The following MICAL3 variants were observed in gnomAD, a reference collection of about 807,000 sequenced individuals.
The protein encoded by MICAL3 is microtubule associated monooxygenase, calponin and LIM domain containing 3.
A neutral mutation model predicts 207.4 loss-of-function variants in MICAL3; 62 were observed. That is an observed-to-expected ratio of 0.30 (90% CI 0.24 to 0.37). MICAL3 has a LOEUF of 0.37. Among genes scored for constraint, MICAL3 ranks in the 10% least tolerant of loss-of-function variants. The pLI is 1.00. For synonymous variants in MICAL3, 1,077 were observed against 1,069.3 expected (o/e 1.01, Z -0.14); for missense variants, 2,368 against 2,635.6 (o/e 0.90, Z 2.22).
chr22:17,926,919 T>C (rs1806570538), intron 1 of MICAL3, among the ~76,000 whole-genome samples: 1 of 151,968 alleles, frequency 6.6e-6, no homozygotes, highest in South Asian at 2.1e-4. Context: ...TTTATTTTCT[T>C]ATTGTGTTAA....
Position 17,906,716 on chromosome 22 carries a change from G to A in MICAL3, c.97C>T (p.Gln33Ter). 3.1e-6 allele frequency: 5 copies of A among 1,613,956 alleles called. No homozygotes were observed. The highest frequency in any genetic ancestry group is 4.2e-6 in the Non-Finnish European group (5 of 1,179,892). ...AGTTCCAGGTGGTCACAGAGCTCCT[G>A]GAAAGCCTTGAGGGTTCCCTTGCAG... Reference protein sequence around the residue: ...TTCKGTLKAFQELCDHLELKP... With the variant: ...TTCKGTLKAF The change falls in exon 2 of 32, where the codon CAG (glutamine) becomes TAG (stop). Residue 33 changes from glutamine to a stop codon, truncating the protein, a stop_gained. Transcript: ENST00000441493. LOFTEE classifies it high-confidence loss of function.
chr22:17,806,104 A>AT (rs2061986374), intron 29 of MICAL3, among the ~76,000 whole-genome samples: 1 of 152,194 alleles, frequency 6.6e-6, no homozygotes, highest in African/African-American at 2.4e-5. Context: ...GGTGAGCTTG[A>AT]TTTTGTGGAG....
rs1281685405 is a variant in MICAL3 at position 17,818,151 on chromosome 22, G to A, written c.4510C>T (p.Pro1504Ser). The A allele has an allele frequency of 6.2e-7, 1 of 1,603,932 alleles. No individual in the cohort carries two copies. Among genetic ancestry groups the A allele is most frequent in the Non-Finnish European group, 8.5e-7 (1 of 1,176,510 alleles). ...GACTTCCGCACCTCCTCTCTGGGGG[G>A]CTGAGCAGGCTCCCGGGGGGGCCGC... ...WMRPPREPAQPPREEVRKSFV... is the reference protein window; with the variant it reads ...WMRPPREPAQSPREEVRKSFV... The change falls in exon 26 of 32, where the codon CCC (proline) becomes TCC (serine). Residue 1504 changes from proline (P) to serine (S), a missense_variant. By Grantham distance (74) the Pro-to-Ser change is moderately conservative. Transcript: ENST00000441493.
In MICAL3 at chr22:17,787,980, A is replaced by G. The variant is rs2061800560; in HGVS notation, c.*2752T>C. 6.6e-6 allele frequency: 1 copy of G among 152,228 alleles called. No homozygotes were observed. The highest frequency in any genetic ancestry group is 1.5e-5 in the Non-Finnish European group (1 of 68,048). The allele number at this position is 152,228 out of a possible 1,614,324, so 9.4% of individuals were successfully genotyped here. ...TCAGCCTCCAGTTTAGTCAGCCTTG[A>G]GTCTGGGCTGCTCCCGCACCTGGTG... is the stretch of plus-strand genomic sequence containing the variant. On this transcript the variant is annotated 3_prime_UTR_variant, in exon 32 of 32. Transcript: ENST00000441493.
At chr22:17,801,192 G>A (rs1409308350) in intron 29 of MICAL3, among the ~76,000 whole-genome samples, 6 of 43,800 alleles carry the variant, frequency 1.4e-4, no homozygotes, top group Admixed American at 2.4e-4. Context: ...TCGCTCTGTC[G>A]CCCAGGCTGG....
At chr22:17,859,142 C>CG (rs1926245843) in intron 19 of MICAL3, among the ~76,000 whole-genome samples, 1 of 152,164 alleles carries the variant, frequency 6.6e-6, no homozygotes, top group South Asian at 2.1e-4. Context: ...AGGAAAATGA[C>CG]GGTGTCACAG....
chr22:17,876,827 T>TAGGGAG (rs1928499586), intron 16 of MICAL3: 1 of 127,614 alleles, frequency 7.8e-6, no homozygotes, highest in Non-Finnish European at 1.7e-5. Context: ...TTAGGGAGGT[T>TAGGGAG]ATGGAGGTTA....
chr22:18,005,914 C>T (rs931141554), intron 1 of MICAL3: 1 of 152,186 alleles, frequency 6.6e-6, no homozygotes, highest in Admixed American at 6.5e-5. Context: ...TTGACATCCT[C>T]ACAGGGTTGG....
At chr22:17,851,514 G>A (rs2146101921) in intron 19 of MICAL3, among the ~76,000 whole-genome samples, 1 of 152,334 alleles carries the variant, frequency 6.6e-6, no homozygotes, top group Middle Eastern at 3.4e-3. Context: ...AGTCAATAAA[G>A]TGTTTTGAAT....
rs1602176274 is a variant in MICAL3 at position 17,899,002 on chromosome 22, C to T, written c.948+446G>A. 3.3e-5 allele frequency among the ~76,000 whole-genome samples: 5 copies of T among 152,286 alleles called. 1 individual carries two copies. The highest frequency in any genetic ancestry group is 3.3e-4 in the Admixed American group (5 of 15,304). ...TCAAACTCCTTTCCCTCTGTTGCTC[C>T]CCCTCCCAAAAGATAACTCTTCAAC... On this transcript the variant is annotated intron_variant, in intron 7 of 31. Transcript: ENST00000441493.
intron 1 of MICAL3, among the ~76,000 whole-genome samples, chr22:18,011,342 C>A (rs947607074): frequency 3.3e-5 from 5 of 150,930 alleles, no homozygotes; most frequent in Non-Finnish European, 7.4e-5. Context: ...GGTCGGAGTT[C>A]GAGACCAGCC....
At chr22:17,993,942 G>A (rs572446900) in intron 1 of MICAL3, among the ~76,000 whole-genome samples, 1 of 152,230 alleles carries the variant, frequency 6.6e-6, no homozygotes, top group East Asian at 1.9e-4. Context: ...TCTAAATCCT[G>A]ACGCCACCAC....
rs1045936291 is a variant in MICAL3 at position 17,875,365 on chromosome 22, C to A, written c.2242-3342G>T. 7.5e-5 allele frequency: 62 copies of A among 822,316 alleles called. No individual in the cohort carries two copies. In the South Asian group the frequency reaches 1.2e-3, roughly 16 times the overall value. 50.9% of individuals were successfully genotyped at this position (822,316 alleles called of 1,614,324 possible). A position where few individuals can be genotyped will look rare whatever the true frequency, so the allele number is the denominator to read the frequency against. The stretch of plus-strand genomic sequence containing the variant: ...GCCCAAGTGAGGAACACTGCAGCCT[C>A]CTGGGGTACATGACACTTGCGAAAG... On this transcript the variant is annotated intron_variant, in intron 16 of 31. Transcript: ENST00000441493.
intron 11 of MICAL3, among the ~76,000 whole-genome samples, chr22:17,892,839 C>A (rs1315280795): frequency 6.6e-6 from 1 of 152,174 alleles, no homozygotes; most frequent in East Asian, 1.9e-4. Flanking sequence ...ACCCTCTCAG[C>A]CCTCCCTCTG....
chr22:17,867,794 T>C (rs1927305417), intron 17 of MICAL3, among the ~76,000 whole-genome samples: 1 of 152,256 alleles, frequency 6.6e-6, no homozygotes, highest in African/African-American at 2.4e-5. Flanking sequence ...TCATCTGCAT[T>C]GGGTTTCTAT....
chr22:17,810,109 C>G (rs2062028610), intron 28 of MICAL3, among the ~76,000 whole-genome samples: 1 of 136,878 alleles, frequency 7.3e-6, no homozygotes, highest in Non-Finnish European at 1.5e-5. Context: ...GTCGCCTAGG[C>G]TGGGGTGCAG....
intron 29 of MICAL3, 184 bp from the exon 30 acceptor site, chr22:17,791,485 C>G (rs1252519272): frequency 1.6e-6 from 1 of 612,898 alleles, no homozygotes; most frequent in Non-Finnish European, 2.9e-6. Context: ...GGGGCCTGCG[C>G]TTTCCCGTGT....
intron 1 of MICAL3, among the ~76,000 whole-genome samples, chr22:17,943,525 A>G (rs1024469514): frequency 1.3e-5 from 2 of 152,232 alleles, no homozygotes; most frequent in Admixed American, 6.5e-5. Context: ...TCTCCAGTGA[A>G]AAAAGTATTG....
chr22:17,876,811 G>GAGAAGTTAT (rs1399127850), intron 16 of MICAL3: 5 of 40,628 alleles, frequency 1.2e-4, no homozygotes, highest in African/African-American at 3.8e-4. Context: ...ATGGAGGTTA[G>GAGAAGTTAT]GGAGGTTAGG....
Sources: gnomAD v4.1 joint callset for allele counts (sites outside exome capture counted in the v4.1 genomes callset) on GRCh38, gnomAD v4.1.1 for gene constraint, MANE v1.5 for transcripts, NCBI Gene and HGNC (gene_info 2026-07-23, HGNC 2026-07-21) for gene names.